C9orf85: variants seen among roughly 807,000 people sequenced by gnomAD.
C9orf85 encodes uncharacterized protein C9orf85.
A neutral mutation model predicts 14.9 loss-of-function variants in C9orf85; 16 were observed. The observed-to-expected ratio is 1.08, with a 90% CI of 0.73 to 1.63. C9orf85 has a LOEUF of 1.63. Among genes scored for constraint, C9orf85 ranks in the 40% most tolerant of loss-of-function variants. The pLI, the probability that C9orf85 is intolerant of heterozygous loss-of-function variation, is 0.00. For missense variants in C9orf85, 172 were observed against 186.1 expected (o/e 0.92, Z 0.44); for synonymous variants, 45 against 56.8 (o/e 0.79, Z 0.93).
Position 71,911,882 on chromosome 9 carries a change from G to C in C9orf85, c.102+46G>C, listed in dbSNP as rs1194043104. On this transcript the variant is annotated intron_variant, in intron 1 of 3. Coordinates refer to ENST00000334731, the MANE Select transcript of C9orf85 (RefSeq NM_182505.5). Reference sequence around the variant, plus strand: ...CCGTCTTTGACTCCAGGAAGGAATGGCTCACTGGAGAGGGGAGAGAGGAAA... The same window carrying C: ...CCGTCTTTGACTCCAGGAAGGAATGCCTCACTGGAGAGGGGAGAGAGGAAA... 2.6e-6 allele frequency: 4 copies of C among 1,529,150 alleles called. No individual in the cohort carries two copies. The East Asian group carries it at 9.0e-5, about 34-fold the overall frequency. The allele number at this position is 1,529,150 out of a possible 1,614,324, so 94.7% of individuals were successfully genotyped here.
At chr9:71,953,136 A>C (rs1886259) in intron 2 of C9orf85, among the ~76,000 whole-genome samples, 4 of 152,212 alleles carry the variant, frequency 2.6e-5, no homozygotes, top group Middle Eastern at 3.4e-3. Context: ...ACAGTTCACA[A>C]GACGGCCCGC....
chr9:71,981,208 G>C (rs903412500), intron 3 of C9orf85, among the ~76,000 whole-genome samples: 4 of 152,170 alleles, frequency 2.6e-5, no homozygotes, highest in Non-Finnish European at 4.4e-5. Flanking sequence ...GGATAGATTA[G>C]AGACAAATCA....
intron 1 of C9orf85, 125 bp downstream of exon 1, chr9:71,911,961 T>C: frequency 1.2e-6 from 1 of 811,934 alleles, no homozygotes; most frequent in African/African-American, 1.7e-5. Context: ...TAGTCTTGGC[T>C]GCAGTGCAAC....
chr9:71,941,945 G>A (rs941553091), intron 1 of C9orf85: 2 of 152,174 alleles, frequency 1.3e-5, no homozygotes, highest in African/African-American at 4.8e-5. Context: ...GTAAGAAGAT[G>A]TTAATAGTTG....
chr9:71,947,081 A>C lies in C9orf85; in HGVS notation c.178A>C (p.Lys60Gln). The C allele has an allele frequency of 6.2e-7, 1 of 1,613,236 alleles. No individual in the cohort carries two copies. The highest frequency in any genetic ancestry group is 1.7e-4 in the Middle Eastern group (1 of 6,046). ...EVLEWRVKYS[K>Q]YKPLSKPKKC... ...TCTTGAGTGGCGTGTAAAATACAGCAAATACAAACCATTATCAAAACCTAA... is the reference window on the plus strand; with the variant it reads ...TCTTGAGTGGCGTGTAAAATACAGCCAATACAAACCATTATCAAAACCTAA... The change falls in exon 2 of 4, where the codon AAA (lysine) becomes CAA (glutamine). Residue 60 changes from lysine to glutamine, a missense_variant. By Grantham distance (53) the Lys-to-Gln change is moderately conservative. Coordinates refer to ENST00000334731, the MANE Select transcript of C9orf85 (RefSeq NM_182505.5).
At chr9:71,952,745 TA>T (rs1822282034) in intron 2 of C9orf85, among the ~76,000 whole-genome samples, 2 of 152,134 alleles carry the variant, frequency 1.3e-5, no homozygotes, top group African/African-American at 4.8e-5. Context: ...CCTATGCTGG[TA>T]CCTAGAAACC....
In C9orf85 at chr9:71,922,856, G is replaced by C. The variant is rs141214933; in HGVS notation, c.102+11020G>C. Among the ~76,000 whole-genome samples, 24 of 152,116 alleles carry C rather than the reference G, an allele frequency of 1.6e-4. No homozygotes were observed. In the East Asian group the frequency reaches 4.6e-3, roughly 29 times the overall value. ...AAGTTTTTAAAAGACTGGGCCAGGC[G>C]TCATGGCTCACGCCTGTAATCCCAG... is the stretch of plus-strand genomic sequence containing the variant. On this transcript the variant is annotated intron_variant, in intron 1 of 3. Transcript: ENST00000334731.
chr9:71,947,123 A>G lies in C9orf85; in HGVS notation c.209+11A>G. The G allele has an allele frequency of 6.5e-7, 1 of 1,540,284 alleles. No individual in the cohort carries two copies. Among genetic ancestry groups the G allele is most frequent in the East Asian group, 2.3e-5 (1 of 44,166 alleles). On this transcript the variant is annotated intron_variant, in intron 2 of 3. Transcript: ENST00000334731. ...AAAACCTAAAAAGTGGTGAGTTAAG[A>G]TTCTTCATTACCTTACTTGGTGGTA...
intron 1 of C9orf85, among the ~76,000 whole-genome samples, chr9:71,946,422 T>C (rs907507566): frequency 6.6e-6 from 1 of 152,204 alleles, no homozygotes; most frequent in Non-Finnish European, 1.5e-5. Flanking sequence ...TTACATACTA[T>C]GAAATACACA....
chr9:71,939,962 T>C (rs1048357901), intron 1 of C9orf85, among the ~76,000 whole-genome samples: 1 of 152,162 alleles, frequency 6.6e-6, no homozygotes, highest in Non-Finnish European at 1.5e-5. Context: ...ATGTAAAATG[T>C]AAAATTACTG....
chr9:71,967,184 T>C (rs1390037807), intron 2 of C9orf85, among the ~76,000 whole-genome samples: 2 of 152,244 alleles, frequency 1.3e-5, no homozygotes, highest in African/African-American at 4.8e-5. Flanking sequence ...CTTCTAGAAG[T>C]TGTATAATTC....
At chr9:71,965,217 G>A (rs1029315707) in intron 2 of C9orf85, among the ~76,000 whole-genome samples, 3 of 152,144 alleles carry the variant, frequency 2.0e-5, no homozygotes, top group African/African-American at 7.2e-5. Flanking sequence ...CCCAATTATT[G>A]TCCCTCCCAC....
intron 2 of C9orf85, among the ~76,000 whole-genome samples, chr9:71,954,549 G>A (rs138107879): frequency 1.3e-5 from 2 of 152,124 alleles, no homozygotes; most frequent in Non-Finnish European, 2.9e-5. Context: ...ACAAGGGGTG[G>A]ATTATTCATG....
At chr9:71,939,758 T>C (rs1221096115) in intron 1 of C9orf85, among the ~76,000 whole-genome samples, 1 of 152,210 alleles carries the variant, frequency 6.6e-6, no homozygotes, top group African/African-American at 2.4e-5. Context: ...GGTGAAAGAC[T>C]AGACACATAG....
At position 71,911,694 on chromosome 9, in the gene C9orf85, CT is replaced by C. The variant is rs748258308; in HGVS notation, c.-37del. ...TTCGTTGGTTTTCTTTCCCCTCATCCTTTTGCCTGCTCCCGGCGAGGGGTGG... is the reference window on the plus strand; with the variant it reads ...TTCGTTGGTTTTCTTTCCCCTCATCCTTTGCCTGCTCCCGGCGAGGGGTGG... On this transcript the variant is annotated 5_prime_UTR_variant, in exon 1 of 4. Coordinates refer to ENST00000334731, the MANE Select transcript of C9orf85 (RefSeq NM_182505.5). 4 of 1,563,662 alleles carry C rather than the reference CT, an allele frequency of 2.6e-6. No homozygotes were observed. Among genetic ancestry groups the C allele is most frequent in the East Asian group, 2.2e-5 (1 of 44,652 alleles).
chr9:71,949,283 C>T (rs1488742236), intron 2 of C9orf85, among the ~76,000 whole-genome samples: 1 of 152,156 alleles, frequency 6.6e-6, no homozygotes, highest in East Asian at 1.9e-4. Flanking sequence ...AACATTCCTG[C>T]CTTATCCATC....
intron 2 of C9orf85, among the ~76,000 whole-genome samples, chr9:71,963,641 G>A (rs942355758): frequency 7.7e-4 from 118 of 152,340 alleles, no homozygotes; most frequent in African/African-American, 2.7e-3. Context: ...AGATTAGCTG[G>A]CCGGCCCTGC....
rs1822103687 is a variant in C9orf85 at position 71,946,886 on chromosome 9, T to C, written c.103-120T>C. 4 of 569,892 alleles carry C rather than the reference T, an allele frequency of 7.0e-6. No homozygotes were observed. In the South Asian group the frequency reaches 1.1e-4, roughly 16 times the overall value. 35.3% of individuals were successfully genotyped at this position (569,892 alleles called of 1,614,324 possible). A position where few individuals can be genotyped will look rare whatever the true frequency, so the allele number is the denominator to read the frequency against. On this transcript the variant is annotated intron_variant, in intron 1 of 3. Coordinates refer to ENST00000334731, the MANE Select transcript of C9orf85 (RefSeq NM_182505.5). Reference sequence around the variant, plus strand: ...TAAAAATACATAATATATCATAAATTGTTATGCAGATTAAGGTTCAGTTAT... The same window carrying C: ...TAAAAATACATAATATATCATAAATCGTTATGCAGATTAAGGTTCAGTTAT...
downstream of C9orf85, chr9:71,984,655 A>G (rs1823176336): frequency 6.6e-6 from 1 of 152,224 alleles, no homozygotes; most frequent in African/African-American, 2.4e-5. Context: ...ACCCAGCCCC[A>G]CAGCTGTTGC....
Sources: gnomAD v4.1 joint callset for allele counts (sites outside exome capture counted in the v4.1 genomes callset) on GRCh38, gnomAD v4.1.1 for gene constraint, MANE v1.5 for transcripts, NCBI Gene and HGNC (gene_info 2026-07-23, HGNC 2026-07-21) for gene names.